Variants in SNX30 observed in about 807,000 individuals in gnomAD.
SNX30 encodes sorting nexin family member 30, also known as sorting nexin-30.
Under a neutral mutation model 46.4 loss-of-function variants are expected in SNX30, and 24 were observed. That is an observed-to-expected ratio of 0.52 (90% confidence interval 0.37 to 0.73). SNX30 has a LOEUF of 0.73. SNX30 is among the 30% of genes least tolerant of loss of function. The pLI is 0.00. For missense variants in SNX30, 533 were observed against 555.7 expected (o/e 0.96, Z 0.41); for synonymous variants, 189 against 211.5 (o/e 0.89, Z 0.92).
intron 6 of SNX30, among the ~76,000 whole-genome samples, chr9:112,846,879 C>G (rs1474338902): frequency 1.3e-5 from 2 of 152,170 alleles, no homozygotes; most frequent in African/African-American, 4.8e-5. Context: ...GCCTTTTCCC[C>G]TCCCATAGTT....
At chr9:112,865,479 G>A (rs577172877) in intron 8 of SNX30, among the ~76,000 whole-genome samples, 7 of 151,816 alleles carry the variant, frequency 4.6e-5, no homozygotes, top group African/African-American at 1.7e-4. Flanking sequence ...TGAGCCAGGT[G>A]TGGTGGCGTG....
At chr9:112,880,977 C>T (rs925016399) in intron 5 of SNX30, among the ~76,000 whole-genome samples, 2 of 152,188 alleles carry the variant, frequency 1.3e-5, no homozygotes, top group East Asian at 1.9e-4. Context: ...TTCCATCTCA[C>T]TTCTGCCTGA....
intron 1 of SNX30, among the ~76,000 whole-genome samples, chr9:112,757,647 G>C (rs570018716): frequency 2.6e-5 from 4 of 152,058 alleles, no homozygotes; most frequent in South Asian, 2.1e-4. Flanking sequence ...TTTTCCCCGC[G>C]TATATCATTT....
intron 1 of SNX30, among the ~76,000 whole-genome samples, chr9:112,757,115 T>A (rs972848860): frequency 6.6e-6 from 1 of 152,226 alleles, no homozygotes; most frequent in Non-Finnish European, 1.5e-5. Flanking sequence ...CCATATCTGC[T>A]ATTTTGTATC....
At chr9:112,830,581 T>G (rs1840645304) in intron 3 of SNX30, 144 bp from the exon 4 acceptor site, 2 of 660,532 alleles carry the variant, frequency 3.0e-6, no homozygotes, top group Non-Finnish European at 4.9e-6. Context: ...TCAGAAGTCT[T>G]TATATTAATG....
intron 1 of SNX30, among the ~76,000 whole-genome samples, chr9:112,773,187 A>G (rs1839679733): frequency 2.6e-5 from 4 of 152,292 alleles, no homozygotes; most frequent in African/African-American, 7.2e-5. Context: ...GTTCTAATAT[A>G]ATCACTTACT....
chr9:112,780,875 C>G (rs1286055629), intron 1 of SNX30, among the ~76,000 whole-genome samples: 1 of 152,180 alleles, frequency 6.6e-6, no homozygotes, highest in Non-Finnish European at 1.5e-5. Context: ...ATCTTTGTCC[C>G]CGGCTTAGAC....
chr9:112,817,085 G>A (rs187159207), intron 2 of SNX30, among the ~76,000 whole-genome samples: 54 of 152,252 alleles, frequency 3.5e-4, no homozygotes, highest in Non-Finnish European at 7.1e-4. Context: ...TTCCAGGGTT[G>A]TGGTTTGGCA....
At chr9:112,822,300 C>T (rs1225348308) in intron 3 of SNX30, among the ~76,000 whole-genome samples, 2 of 152,144 alleles carry the variant, frequency 1.3e-5, no homozygotes, top group African/African-American at 4.8e-5. Flanking sequence ...CAGCAGTTCA[C>T]TGTGTTTTTC....
intron 7 of SNX30, among the ~76,000 whole-genome samples, chr9:112,854,890 G>A (rs117692852): frequency 4.8e-3 from 729 of 152,332 alleles, no homozygotes; most frequent in Non-Finnish European, 7.5e-3. Context: ...TAAAGTGCTC[G>A]GCGTAGTGTC....
rs1839539397 is a variant in SNX30, at chr9:112,766,510, A to G, written c.156+15353A>G. On this transcript the variant is annotated intron_variant, in intron 1 of 8. Transcript: ENST00000374232. The stretch of plus-strand genomic sequence containing the variant: ...TTAATCATCTTAACCATTTTTAAGT[A>G]TACAGTTGAGTAGTGTTAAGTATAT... 1.3e-5 allele frequency among the ~76,000 whole-genome samples: 2 copies of G among 152,210 alleles called. 1 individual carries two copies. The highest frequency in any genetic ancestry group is 2.9e-5 in the Non-Finnish European group (2 of 68,040).
chr9:112,813,778 T>C (rs570939383), intron 2 of SNX30, among the ~76,000 whole-genome samples: 3 of 149,580 alleles, frequency 2.0e-5, no homozygotes, highest in Non-Finnish European at 4.5e-5. Flanking sequence ...CTGGCTCTTA[T>C]CTAAATTTAA....
At position 112,780,820 on chromosome 9, in the gene SNX30, G is replaced by C. The variant is rs117586747; in HGVS notation, c.157-23956G>C. Among the ~76,000 whole-genome samples, 63 of 152,298 alleles carry C rather than the reference G, an allele frequency of 4.1e-4. 1 individual carries two copies. In the East Asian group the frequency reaches 9.4e-3, roughly 23 times the overall value. ...ATTAGTCACCACTGACAGAGGAAAA[G>C]CACTTGGGTCATTGAAAACAAATGG... On this transcript the variant is annotated intron_variant, in intron 1 of 8. Coordinates refer to ENST00000374232, the MANE Select transcript of SNX30 (RefSeq NM_001012994.2).
chr9:112,765,490 A>G (rs962763292), intron 1 of SNX30, among the ~76,000 whole-genome samples: 3 of 152,170 alleles, frequency 2.0e-5, no homozygotes, highest in South Asian at 2.1e-4. Flanking sequence ...CTAATCTGCC[A>G]TCTGTCTCTG....
chr9:112,781,240 T>C (rs993782712), intron 1 of SNX30, among the ~76,000 whole-genome samples: 1 of 152,240 alleles, frequency 6.6e-6, no homozygotes, highest in Non-Finnish European at 1.5e-5. Context: ...TGATGATGAA[T>C]GATTATTGTT....
intron 7 of SNX30, among the ~76,000 whole-genome samples, chr9:112,854,388 T>C (rs866090984): frequency 6.6e-5 from 10 of 152,210 alleles, no homozygotes; most frequent in Admixed American, 1.3e-4. Flanking sequence ...TCCTGGACAC[T>C]ACTTACCCAC....
At chr9:112,879,219 CT>C (rs1382785308), downstream of SNX30, 2 of 152,368 alleles carry the variant, frequency 1.3e-5, no homozygotes, top group East Asian at 1.9e-4. Flanking sequence ...AGAAAGCTGA[CT>C]TTTTTCAAGG....
At chr9:112,753,634 C>T (rs975358243) in intron 1 of SNX30, among the ~76,000 whole-genome samples, 1 of 152,182 alleles carries the variant, frequency 6.6e-6, no homozygotes, top group Non-Finnish European at 1.5e-5. Flanking sequence ...CTGCCCTCCT[C>T]GGCCTCCCAA....
At chr9:112,765,415 A>G (rs1839519843) in intron 1 of SNX30, among the ~76,000 whole-genome samples, 1 of 152,172 alleles carries the variant, frequency 6.6e-6, no homozygotes, top group African/African-American at 2.4e-5. Context: ...CATCATCTCA[A>G]AAAGATACCC....
Sources: gnomAD v4.1 joint callset for allele counts (sites outside exome capture counted in the v4.1 genomes callset) on GRCh38, gnomAD v4.1.1 for gene constraint, MANE v1.5 for transcripts, NCBI Gene and HGNC (gene_info 2026-07-23, HGNC 2026-07-21) for gene names.